Variants in CLK4 observed in about 807,000 individuals in gnomAD.
CLK4 encodes the protein dual specificity protein kinase CLK4.
Under a neutral mutation model 64.4 loss-of-function variants are expected in CLK4, and 37 were observed. The ratio of observed to expected loss-of-function variants is 0.57; its 90% CI spans 0.44 to 0.76. The LOEUF (loss-of-function observed/expected upper bound fraction) is 0.76. Ranked by LOEUF, CLK4 falls within the 30% of genes least tolerant of loss-of-function variation. CLK4 has a pLI of 0.00. For missense variants in CLK4, 457 were observed against 605.1 expected (o/e 0.76, Z 2.57); for synonymous variants, 175 against 191.6 (o/e 0.91, Z 0.72).
Position 178,603,557 on chromosome 5 carries a change from T to C in CLK4, c.*60A>G. On this transcript the variant is annotated 3_prime_UTR_variant, in exon 13 of 13. Coordinates refer to ENST00000316308, the MANE Select transcript of CLK4 (RefSeq NM_020666.3). The stretch of plus-strand genomic sequence containing the variant: ...AAAAATATTAGAATGTTTAGTTGAC[T>C]GACACAGTCTTAAGTAATCTCTTCT... 1 of 1,216,034 alleles carries C rather than the reference T, an allele frequency of 8.2e-7. No individual in the cohort carries two copies. The highest frequency in any genetic ancestry group is 2.0e-5 in the South Asian group (1 of 51,014). 75.3% of individuals were successfully genotyped at this position (1,216,034 alleles called of 1,614,324 possible).
At chr5:178,618,334 G>A (rs916426798) in intron 3 of CLK4, 2 of 202,396 alleles carry the variant, frequency 9.9e-6, no homozygotes, top group African/African-American at 2.3e-5. Context: ...CTGGTCTGCA[G>A]AATATGAGGA....
intron 11 of CLK4, 109 bp downstream of exon 11, chr5:178,605,192 AGT>A: frequency 3.7e-6 from 2 of 544,168 alleles, no homozygotes; most frequent in Non-Finnish European, 5.9e-6. Context: ...AAAAAAAAAA[AGT>A]CAAAATCTAT....
At chr5:178,618,160 C>T (rs1210098943) in intron 3 of CLK4, 1 of 151,996 alleles carries the variant, frequency 6.6e-6, no homozygotes, top group Non-Finnish European at 1.5e-5. Context: ...TTCAGGTGTC[C>T]ACCAGTGCAA....
Position 178,608,420 on chromosome 5 carries a change from C to A in CLK4, c.1090G>T (p.Gly364Cys). ...AGGTAATATTCAATAAGAATGCAAC[C>A]TATGCTCCAAACATCACAAGGCTGA... The part of the protein sequence containing the change: ...WSQPCDVWSI[G>C]CILIEYYLGF... The change falls in exon 10 of 13, where the codon GGT becomes TGT. Residue 364 changes from glycine to cysteine, a missense_variant. Gly to Cys is a radical substitution (Grantham distance 159). Transcript: ENST00000316308. The A allele has an allele frequency of 6.2e-7, 1 of 1,610,480 alleles. No homozygotes were observed. Among genetic ancestry groups the A allele is most frequent in the African/African-American group, 1.3e-5 (1 of 74,896 alleles).
rs567279509 is a variant in CLK4 at position 178,611,931 on chromosome 5, A to T, written c.1051+485T>A. Among the ~76,000 whole-genome samples the T allele has an allele frequency of 9.2e-5, 14 of 151,932 alleles. No homozygotes were observed. The East Asian group carries it at 2.5e-3, about 27-fold the overall frequency. ...TTAATAAGTCCCTTCTTATTTGAAAACTCTGCACCTTAACTCATTTTCTTT... is the reference window on the plus strand; with the variant it reads ...TTAATAAGTCCCTTCTTATTTGAAATCTCTGCACCTTAACTCATTTTCTTT... On this transcript the variant is annotated intron_variant, in intron 9 of 12. Transcript: ENST00000316308.
At chr5:178,626,370 C>T (rs1041173008) in intron 1 of CLK4, among the ~76,000 whole-genome samples, 3 of 152,230 alleles carry the variant, frequency 2.0e-5, no homozygotes, top group African/African-American at 7.2e-5. Flanking sequence ...GCACAGAGGA[C>T]TAGCCTCCGC....
rs558108901 is a variant in CLK4 at position 178,620,277 on chromosome 5, C to T, written c.162-1499G>A. On this transcript the variant is annotated intron_variant, in intron 2 of 12. Transcript: ENST00000316308. ...GAGATCACCAATACAATAAGCTAGACGTGACCATACTCTTAAGGGCATCCT... is the reference window on the plus strand; with the variant it reads ...GAGATCACCAATACAATAAGCTAGATGTGACCATACTCTTAAGGGCATCCT... 5.2e-4 allele frequency: 127 copies of T among 244,172 alleles called. 1 individual carries two copies. In the Middle Eastern group the frequency reaches 7.1e-3, roughly 14 times the overall value. The allele number at this position is 244,172 out of a possible 1,614,324, so 15.1% of individuals were successfully genotyped here.
At position 178,623,372 on chromosome 5, in the gene CLK4, TCTG is replaced by T; in HGVS notation, c.42_44del (p.Ser14del). ...GATAGCTTTCATGTCCCCAGCTTTC[TCTG>T]CTATCCCAATCAGGACAGTGAGTTC... On this transcript the variant is annotated inframe_deletion, in exon 2 of 13. Transcript: ENST00000316308. The T allele has an allele frequency of 6.2e-7, 1 of 1,614,110 alleles. No homozygotes were observed. The highest frequency in any genetic ancestry group is 2.2e-5 in the East Asian group (1 of 44,872).
chr5:178,603,997 C>T (rs1439046714), intron 11 of CLK4, 63 bp from the exon 12 acceptor site: 22 of 1,215,484 alleles, frequency 1.8e-5, no homozygotes, highest in Admixed American at 4.3e-5. Context: ...TTACCCTGCA[C>T]CCATGAGGGG....
chr5:178,608,594 TCTAGTTTTACAGCAAATG>T (rs1764499657), intron 9 of CLK4, 136 bp from the exon 10 acceptor site: 1 of 578,926 alleles, frequency 1.7e-6, no homozygotes, highest in Non-Finnish European at 3.0e-6. Context: ...GGTTTATAGT[TCTAGTTTTACAGCAAATG>T]CTATTCAACA....
At chr5:178,616,975 T>TA (rs1299098728) in intron 4 of CLK4, 27 bp from the exon 5 acceptor site, 1 of 1,512,118 alleles carries the variant, frequency 6.6e-7, no homozygotes, top group Middle Eastern at 1.7e-4. Context: ...AAAAGAGGTG[T>TA]AAGTACCTGA....
intron 2 of CLK4, among the ~76,000 whole-genome samples, chr5:178,619,473 C>T (rs1181738939): frequency 6.6e-6 from 1 of 152,168 alleles, no homozygotes; most frequent in Admixed American, 6.5e-5. Flanking sequence ...CCTCATGTGC[C>T]AAAGGCATCT....
chr5:178,619,259 G>A (rs527934290), intron 2 of CLK4, among the ~76,000 whole-genome samples: 2 of 152,216 alleles, frequency 1.3e-5, no homozygotes, highest in African/African-American at 2.4e-5. Flanking sequence ...TCATTTTACC[G>A]ACGACTACAT....
rs192244247 is a variant in CLK4 at position 178,617,273 on chromosome 5, C to G, written c.475+71G>C. The G allele has an allele frequency of 7.0e-5, 88 of 1,260,370 alleles. No homozygotes were observed. The highest frequency in any genetic ancestry group is 6.0e-5 in the Non-Finnish European group (52 of 862,618). The allele number at this position is 1,260,370 out of a possible 1,614,324, so 78.1% of individuals were successfully genotyped here. On this transcript the variant is annotated intron_variant, in intron 4 of 12. Transcript: ENST00000316308. The surrounding 1 kb of genome is among the most constrained non-coding windows in gnomAD (Gnocchi z 5.2). ...AGCAATGAAGAGTTCTTTAGCCCCC[C>G]GCTGACAAACTATTCTTAAAAAGAT...
At chr5:178,610,981 G>A (rs896475706) in intron 9 of CLK4, among the ~76,000 whole-genome samples, 8 of 151,602 alleles carry the variant, frequency 5.3e-5, no homozygotes, top group African/African-American at 1.9e-4. Flanking sequence ...GCTGAGTTAG[G>A]AGAATCGCGC....
Position 178,617,310 on chromosome 5 carries a change from C to A in CLK4, c.475+34G>T. ...ATTCTTAAAAAGATTATTCTTTCTG[C>A]AAAGTTTAAAAAGTGTTGAAAAATA... On this transcript the variant is annotated intron_variant, in intron 4 of 12. Transcript: ENST00000316308. This position sits in a 1 kb window ranked among gnomAD's most constrained non-coding sequence, Gnocchi z 5.2. The A allele has an allele frequency of 6.6e-7, 1 of 1,518,908 alleles. No individual in the cohort carries two copies. The highest frequency in any genetic ancestry group is 9.1e-7 in the Non-Finnish European group (1 of 1,093,416). The allele number at this position is 1,518,908 out of a possible 1,614,324, so 94.1% of individuals were successfully genotyped here. A position where few individuals can be genotyped will look rare whatever the true frequency, so the allele number is the denominator to read the frequency against.
intron 1 of CLK4, among the ~76,000 whole-genome samples, chr5:178,625,201 G>A (rs1257544081): frequency 1.3e-5 from 2 of 152,090 alleles, no homozygotes; most frequent in Non-Finnish European, 2.9e-5. Context: ...ATGGCTGGAC[G>A]CAGTGGCGCC....
chr5:178,618,643 G>T lies in CLK4; in HGVS notation c.297C>A (p.Ile99=). Reference sequence around the variant, plus strand: ...TGCGGACTGAAGATTTACTGCAGTGGATTCGATACCCGCTTTCAATGTCTC... The same window carrying T: ...TGCGGACTGAAGATTTACTGCAGTGTATTCGATACCCGCTTTCAATGTCTC... ...YHRDIESGYR[I]HCSKSSVRSR... The change falls in exon 3 of 13, where the codon ATC becomes ATA. Residue 99 remains isoleucine (I), a synonymous_variant. Transcript: ENST00000316308. 1 of 1,614,046 alleles carries T rather than the reference G, an allele frequency of 6.2e-7. No individual in the cohort carries two copies. The highest frequency in any genetic ancestry group is 8.5e-7 in the Non-Finnish European group (1 of 1,179,964).
intron 2 of CLK4, among the ~76,000 whole-genome samples, chr5:178,619,468 T>A (rs1050396862): frequency 5.3e-5 from 8 of 152,376 alleles, no homozygotes; most frequent in African/African-American, 1.9e-4. Context: ...GACTGCCTCA[T>A]GTGCCAAAGG....
Sources: gnomAD v4.1 joint callset for allele counts (sites outside exome capture counted in the v4.1 genomes callset) on GRCh38, gnomAD v4.1.1 for gene constraint, Gnocchi (gnomAD v3.1) non-coding constraint, MANE v1.5 for transcripts, NCBI Gene and HGNC (gene_info 2026-07-23, HGNC 2026-07-21) for gene names.